Variants in RBFOX1 observed in about 807,000 individuals in gnomAD.
RBFOX1 encodes RNA binding fox-1 homolog 1, also known as RNA binding protein fox-1 homolog 1.
A neutral mutation model predicts 57.7 loss-of-function variants in RBFOX1; 8 were observed. The observed-to-expected ratio is 0.14, with a 90% CI of 0.08 to 0.25. The LOEUF is 0.25. Ranked by LOEUF, RBFOX1 falls within the 10% of genes least tolerant of loss-of-function variation. The probability of loss-of-function intolerance (pLI) is 1.00; values close to 1 mark genes in which losing one functional copy is unlikely to be tolerated. For synonymous variants in RBFOX1, 326 were observed against 222.4 expected (o/e 1.47, Z -4.15); for missense variants, 611 against 548.5 (o/e 1.11, Z -1.14).
intron 1 of RBFOX1, among the ~76,000 whole-genome samples, chr16:6,163,636 C>T (rs2096895267): frequency 6.6e-6 from 1 of 152,126 alleles, no homozygotes; most frequent in African/African-American, 2.4e-5. Context: ...CTCAAGATAG[C>T]AGAGACTTTA....
intron 2 of RBFOX1, among the ~76,000 whole-genome samples, chr16:6,329,196 C>T (rs996585026): frequency 1.3e-5 from 2 of 152,112 alleles, no homozygotes; most frequent in Non-Finnish European, 2.9e-5. Flanking sequence ...AGTTGTTGTT[C>T]CTAGTCATTC....
At chr16:7,198,352 T>G (rs941928457) in intron 4 of RBFOX1, among the ~76,000 whole-genome samples, 1 of 152,190 alleles carries the variant, frequency 6.6e-6, no homozygotes, top group African/African-American at 2.4e-5. Context: ...GTTTTGAAAC[T>G]AGACAGAGGG....
intron 3 of RBFOX1, among the ~76,000 whole-genome samples, chr16:6,731,484 C>T (rs924891123): frequency 6.6e-6 from 1 of 152,148 alleles, no homozygotes; most frequent in Non-Finnish European, 1.5e-5. Flanking sequence ...AGAATTCTAG[C>T]TGCGAGTATC....
chr16:6,947,116 G>T (rs1343045871), intron 3 of RBFOX1, among the ~76,000 whole-genome samples: 1 of 152,142 alleles, frequency 6.6e-6, no homozygotes, highest in Non-Finnish European at 1.5e-5. Flanking sequence ...GATAAGATCT[G>T]TTAAACTCTT....
Position 5,258,051 on chromosome 16 carries a change from C to G in RBFOX1, c.219+17946C>G, listed in dbSNP as rs144776891. Among the ~76,000 whole-genome samples the G allele has an allele frequency of 1.2e-3, 183 of 152,148 alleles. 1 individual carries two copies. Among genetic ancestry groups the G allele is most frequent in the African/African-American group, 4.2e-3 (176 of 41,486 alleles). The stretch of plus-strand genomic sequence containing the variant: ...ACACCACCTTGCCTGACTAATTTGT[C>G]TATTTTTTGTAGAGATGAGGTTTCA... On this transcript the variant is annotated intron_variant, in intron 1 of 2. Transcript: ENST00000585867.
intron 1 of RBFOX1, among the ~76,000 whole-genome samples, chr16:5,339,370 C>G (rs980206935): frequency 6.7e-6 from 1 of 150,182 alleles, no homozygotes; most frequent in African/African-American, 2.4e-5. Context: ...TTCAACCAAA[C>G]TGGCCTTAAC....
At chr16:7,360,500 G>C (rs909122376) in intron 4 of RBFOX1, among the ~76,000 whole-genome samples, 2 of 152,136 alleles carry the variant, frequency 1.3e-5, no homozygotes, top group African/African-American at 4.8e-5. Flanking sequence ...ACCCATCCTA[G>C]CTACAACCTT....
intron 2 of RBFOX1, among the ~76,000 whole-genome samples, chr16:6,328,243 A>G (rs2082600077): frequency 6.6e-6 from 1 of 152,218 alleles, no homozygotes; most frequent in South Asian, 2.1e-4. Context: ...ATGCAAAGGC[A>G]TAAGAATGAT....
At chr16:5,841,222 G>GAAGAAACGGA (rs1330243898) in intron 3 of RBFOX1, among the ~76,000 whole-genome samples, 1 of 152,186 alleles carries the variant, frequency 6.6e-6, no homozygotes, top group Non-Finnish European at 1.5e-5. Context: ...TGTCATGGAT[G>GAAGAAACGGA]AAGAAACGGA....
chr16:7,079,029 T>C (rs2058749464), intron 4 of RBFOX1, among the ~76,000 whole-genome samples: 6 of 151,812 alleles, frequency 4.0e-5, no homozygotes. Flanking sequence ...GGTTTCAAAA[T>C]ATCTTTTTTG....
intron 3 of RBFOX1, among the ~76,000 whole-genome samples, chr16:6,826,168 C>G (rs887982882): frequency 5.9e-5 from 9 of 152,110 alleles, no homozygotes; most frequent in African/African-American, 1.9e-4. Context: ...GAAGACAGGA[C>G]TCATCGTCGC....
At position 7,692,358 on chromosome 16, in the gene RBFOX1, T is replaced by C. The variant is rs183112081; in HGVS notation, c.995+15520T>C. ...TTCCAGGGTGTACCTCTTGCAACAG[T>C]AAAACTTTCTTAAGATGTTTTAAGA... is the stretch of plus-strand genomic sequence containing the variant. On this transcript the variant is annotated intron_variant, in intron 14 of 15. Coordinates refer to ENST00000550418, the MANE Select transcript of RBFOX1 (RefSeq NM_018723.4). Among the ~76,000 whole-genome samples, 131 of 152,316 alleles carry C rather than the reference T, an allele frequency of 8.6e-4. 1 individual carries two copies. The highest frequency in any genetic ancestry group is 3.0e-3 in the African/African-American group (125 of 41,570).
At position 7,567,154 on chromosome 16, in the gene RBFOX1, T is replaced by TATATATATATCCATATATATATCCCTAC. The variant is rs1567863384; in HGVS notation, c.271-12615_271-12614insATCCATATATATATCCCTACATATATAT. Reference sequence around the variant, plus strand: ...ATATGTATATCCATATATATCCCTATATATATATCCATATATATATCCCTA... The same window carrying TATATATATATCCATATATATATCCCTAC: ...ATATGTATATCCATATATATCCCTATATATATATATCCATATATATATCCCTACATATATATCCATATATATATCCCTA... On this transcript the variant is annotated intron_variant, in intron 5 of 15. Transcript: ENST00000550418. 7.2e-4 allele frequency among the ~76,000 whole-genome samples: 105 copies of TATATATATATCCATATATATATCCCTAC among 146,760 alleles called. 2 individuals carry two copies. Among genetic ancestry groups the TATATATATATCCATATATATATCCCTAC allele is most frequent in the African/African-American group, 2.5e-3 (100 of 39,644 alleles).
chr16:5,297,456 A>G (rs66864675), intron 1 of RBFOX1, among the ~76,000 whole-genome samples: 10,550 of 152,228 alleles, frequency 0.069, 410 homozygotes, highest in Middle Eastern at 0.14. Flanking sequence ...CAGGTAATAT[A>G]TCATTGTGGC....
intron 14 of RBFOX1, among the ~76,000 whole-genome samples, chr16:7,702,403 A>G (rs2081040996): frequency 6.6e-6 from 1 of 152,212 alleles, no homozygotes; most frequent in African/African-American, 2.4e-5. Context: ...AGAATTGCCA[A>G]GAGATTTGTC....
chr16:5,744,022 C>A (rs2052879068), intron 3 of RBFOX1, among the ~76,000 whole-genome samples: 1 of 152,142 alleles, frequency 6.6e-6, no homozygotes. Context: ...GAGAAAGACT[C>A]CTGGAGAGCT....
At chr16:5,955,125 A>T (rs1424446134) in intron 4 of RBFOX1, among the ~76,000 whole-genome samples, 1 of 111,544 alleles carries the variant, frequency 9.0e-6, no homozygotes, top group African/African-American at 3.5e-5. Flanking sequence ...TACTAAAAAA[A>T]AAAAAAAAAA....
At chr16:6,869,913 A>C (rs1027730165) in intron 3 of RBFOX1, among the ~76,000 whole-genome samples, 1 of 152,192 alleles carries the variant, frequency 6.6e-6, no homozygotes, top group African/African-American at 2.4e-5. Flanking sequence ...TCAAAGCCAT[A>C]AATTACTTAT....
At chr16:6,879,298 A>G (rs72768895) in intron 3 of RBFOX1, among the ~76,000 whole-genome samples, 34,378 of 152,140 alleles carry the variant, frequency 0.23, 4,858 homozygotes, top group Admixed American at 0.37. Context: ...GCCCAACACT[A>G]TATGCCATAA....
Sources: gnomAD v4.1 joint callset for allele counts (sites outside exome capture counted in the v4.1 genomes callset) on GRCh38, gnomAD v4.1.1 for gene constraint, MANE v1.5 for transcripts, NCBI Gene and HGNC (gene_info 2026-07-23, HGNC 2026-07-21) for gene names.